SIPA1L3: variants seen among roughly 807,000 people sequenced by gnomAD.
SIPA1L3 encodes the protein signal-induced proliferation-associated 1-like protein 3.
A neutral mutation model predicts 150.1 loss-of-function variants in SIPA1L3; 59 were observed. The ratio of observed to expected loss-of-function variants is 0.39; its 90% confidence interval spans 0.32 to 0.49. SIPA1L3 has a LOEUF of 0.49. Ranked by LOEUF, SIPA1L3 falls within the 20% of genes least tolerant of loss-of-function variation. SIPA1L3 has a pLI of 0.86. For missense variants in SIPA1L3, 2,211 were observed against 2,489.5 expected (o/e 0.89, Z 2.38); for synonymous variants, 1,070 against 1,077.6 (o/e 0.99, Z 0.14).
intron 6 of SIPA1L3, among the ~76,000 whole-genome samples, chr19:38,101,970 C>T (rs561927370): frequency 2.0e-5 from 3 of 152,212 alleles, no homozygotes; most frequent in Non-Finnish European, 2.9e-5. Flanking sequence ...CTTCGTGCTG[C>T]GCAAAGACAG....
chr19:38,104,620 G>A (rs1970580264), intron 6 of SIPA1L3, among the ~76,000 whole-genome samples: 1 of 152,086 alleles, frequency 6.6e-6, no homozygotes, highest in Non-Finnish European at 1.5e-5. Flanking sequence ...CACCCAGGCT[G>A]GAGTGCATTA....
At chr19:37,960,887 G>A (rs2046852556) in intron 1 of SIPA1L3, among the ~76,000 whole-genome samples, 1 of 149,230 alleles carries the variant, frequency 6.7e-6, no homozygotes, top group African/African-American at 2.5e-5. Flanking sequence ...TTTTTGTTTT[G>A]AGACAGAGTC....
At chr19:37,910,158 T>C (rs1163443337) in intron 1 of SIPA1L3, among the ~76,000 whole-genome samples, 2 of 152,226 alleles carry the variant, frequency 1.3e-5, no homozygotes, top group Non-Finnish European at 2.9e-5. Flanking sequence ...TTTACTGATA[T>C]ATTTCAAACA....
chr19:37,951,424 AGTGCTCATGT>A (rs2145553551), intron 1 of SIPA1L3, among the ~76,000 whole-genome samples: 2 of 152,368 alleles, frequency 1.3e-5, no homozygotes, highest in South Asian at 4.1e-4. Flanking sequence ...TCAGGAGACC[AGTGCTCATGT>A]GCACAGCTTT....
intron 1 of SIPA1L3, among the ~76,000 whole-genome samples, chr19:37,911,762 G>C (rs1214558843): frequency 6.6e-6 from 1 of 151,938 alleles, no homozygotes; most frequent in African/African-American, 2.4e-5. Flanking sequence ...GCCTCCCAAA[G>C]TGCTGGGATT....
intron 2 of SIPA1L3, among the ~76,000 whole-genome samples, chr19:38,062,193 G>T (rs1313793255): frequency 6.6e-6 from 1 of 152,108 alleles, no homozygotes; most frequent in Non-Finnish European, 1.5e-5. Context: ...TTGATCCTAG[G>T]CAATCTGGCT....
Position 38,082,630 on chromosome 19 carries a change from G to A in SIPA1L3, c.1065G>A (p.Ala355=), listed in dbSNP as rs745502457. The A allele has an allele frequency of 4.4e-5, 71 of 1,605,518 alleles. 2 individuals carry two copies. The South Asian group carries it at 7.6e-4, about 17-fold the overall frequency. Residue 355 remains alanine (A), a synonymous_variant, in exon 3 of 22, where the codon GCG becomes GCA. Transcript: ENST00000222345. ...VQSMLFDLNE[A]AANRVSVSQR... is the part of the protein sequence containing the mutation. ...GCATGCTGTTCGACCTCAACGAGGC[G>A]GCCGCCAACAGGGTGTCGGTGTCGC...
chr19:38,206,173 C>T lies in SIPA1L3; in HGVS notation c.5279C>T (p.Ser1760Leu), dbSNP rs1187003870. Residue 1760 changes from serine to leucine, a missense_variant, in exon 22 of 22, where the codon TCG becomes TTG. Coordinates refer to ENST00000222345, the MANE Select transcript of SIPA1L3 (RefSeq NM_015073.3). ...AACAACCAGCGGCTGCAGGAGGAGT[C>T]GCAGGCCGCCAGCGAGCAGCTGCGC... ...RQNNQRLQEE[S>L]QAASEQLRKF... 6.4e-6 allele frequency: 10 copies of T among 1,552,974 alleles called. No homozygotes were observed. Among genetic ancestry groups the T allele is most frequent in the Non-Finnish European group, 7.8e-6 (9 of 1,148,036 alleles).
chr19:38,100,018 T>A lies in SIPA1L3; in HGVS notation c.1722T>A (p.His574Gln). ...LEDATPTATK[H>Q]GTGRGLPLKD... ...ATGCTACGCCCACAGCCACCAAGCA[T>A]GGGACCGGGCGGGGCCTGCCCTTGA... The change falls in exon 5 of 22, where the codon CAT becomes CAA. Residue 574 changes from histidine to glutamine, a missense_variant. By Grantham distance (24) the His-to-Gln change is conservative. This residue lies in a region of SIPA1L3 where 625 missense variants were observed against 804.2 expected (regional missense o/e 0.78). Coordinates refer to ENST00000222345, the MANE Select transcript of SIPA1L3 (RefSeq NM_015073.3). 4 of 1,611,040 alleles carry A rather than the reference T, an allele frequency of 2.5e-6. No homozygotes were observed. The highest frequency in any genetic ancestry group is 3.4e-6 in the Non-Finnish European group (4 of 1,178,962).
At chr19:38,142,767 T>C (rs1971621898) in intron 12 of SIPA1L3, 57 bp downstream of exon 12, 1 of 1,556,946 alleles carries the variant, frequency 6.4e-7, no homozygotes, top group African/African-American at 1.4e-5. Context: ...TGTGCCTCCT[T>C]CTTCCCCAGC....
At chr19:38,150,062 C>A (rs1971783876) in intron 12 of SIPA1L3, among the ~76,000 whole-genome samples, 1 of 152,188 alleles carries the variant, frequency 6.6e-6, no homozygotes, top group Non-Finnish European at 1.5e-5. Context: ...GTGAAGTCAG[C>A]TAGTAAGATG....
At chr19:38,065,786 T>C (rs970938846) in intron 2 of SIPA1L3, among the ~76,000 whole-genome samples, 6 of 152,106 alleles carry the variant, frequency 3.9e-5, no homozygotes, top group Non-Finnish European at 7.4e-5. Context: ...GTTCATTCCC[T>C]TGGGGCTGCG....
chr19:37,914,768 G>T (rs1399235584), intron 1 of SIPA1L3, among the ~76,000 whole-genome samples: 1 of 152,126 alleles, frequency 6.6e-6, no homozygotes, highest in Non-Finnish European at 1.5e-5. Flanking sequence ...GTCTTCCAAA[G>T]TGCTAAGATT....
At chr19:37,920,050 G>T (rs1251294150) in intron 1 of SIPA1L3, among the ~76,000 whole-genome samples, 4 of 149,628 alleles carry the variant, frequency 2.7e-5, no homozygotes, top group African/African-American at 7.4e-5. Flanking sequence ...AGTGCTTCTT[G>T]GTTTGTAATT....
In SIPA1L3 at chr19:37,952,510, T is replaced by TA. The variant is rs557806660; in HGVS notation, c.-379+45157dup. 6.7e-4 allele frequency among the ~76,000 whole-genome samples: 102 copies of TA among 151,964 alleles called. 1 individual carries two copies. In the South Asian group the frequency reaches 0.02, roughly 30 times the overall value. On this transcript the variant is annotated intron_variant, in intron 1 of 21. Coordinates refer to ENST00000222345, the MANE Select transcript of SIPA1L3 (RefSeq NM_015073.3). ...CAACATGGTGAAACCCTGTCTTTAC[T>TA]AAAAATGCAAAAACTAGCCAGGTGT...
intron 1 of SIPA1L3, among the ~76,000 whole-genome samples, chr19:37,973,847 C>T (rs1216074438): frequency 1.3e-5 from 2 of 152,288 alleles, no homozygotes; most frequent in South Asian, 2.1e-4. Flanking sequence ...TTTGGCTTCT[C>T]AGATGACTGG....
At chr19:38,065,979 C>T (rs868808224) in intron 2 of SIPA1L3, among the ~76,000 whole-genome samples, 48 of 135,884 alleles carry the variant, frequency 3.5e-4, no homozygotes, top group African/African-American at 8.7e-4. Flanking sequence ...GTTGCCCGGG[C>T]TTGATCTCTT....
chr19:38,065,655 C>A (rs1725508), intron 2 of SIPA1L3, among the ~76,000 whole-genome samples: 29,201 of 151,736 alleles, frequency 0.19, 3,093 homozygotes, highest in African/African-American at 0.28. Context: ...CTCCCGACCT[C>A]AGGTGATCCA....
At chr19:38,144,730 C>G (rs556118550) in intron 12 of SIPA1L3, among the ~76,000 whole-genome samples, 1 of 152,132 alleles carries the variant, frequency 6.6e-6, no homozygotes, top group Non-Finnish European at 1.5e-5. Context: ...TACTCAATTA[C>G]GAGGGGGTTC....
Sources: allele counts gnomAD v4.1 joint callset (sites outside exome capture counted in the v4.1 genomes callset), GRCh38; gene constraint gnomAD v4.1.1; regional missense constraint gnomAD v4.1.1; transcripts MANE v1.5; gene names NCBI Gene and HGNC (gene_info 2026-07-23, HGNC 2026-07-21).